The following POR variants were observed in gnomAD, a reference collection of about 807,000 sequenced individuals.
The protein encoded by POR is cytochrome p450 oxidoreductase.
POR carries 56 observed loss-of-function variants against 84.0 expected under a neutral mutation model. The ratio of observed to expected loss-of-function variants is 0.67; its 90% CI spans 0.54 to 0.83. The LOEUF (loss-of-function observed/expected upper bound fraction) is 0.83, where lower values mean the gene tolerates loss of function less well. Among genes scored for constraint, POR ranks in the 40% least tolerant of loss-of-function variants. The pLI is 0.00. For missense variants in POR, 938 were observed against 944.3 expected (o/e 0.99, Z 0.09); for synonymous variants, 414 against 400.5 (o/e 1.03, Z -0.40).
intron 10 of POR, 87 bp downstream of exon 10, chr7:75,983,943 A>G (rs996731724): frequency 9.3e-7 from 1 of 1,074,542 alleles, no homozygotes; most frequent in South Asian, 1.6e-5. Flanking sequence ...GCTTCTGCTT[A>G]GGCCTGAAGC....
intron 2 of POR, among the ~76,000 whole-genome samples, chr7:75,969,732 G>A (rs1341011951): frequency 3.9e-5 from 6 of 152,194 alleles, no homozygotes; most frequent in Non-Finnish European, 8.8e-5. Flanking sequence ...CAGCCTCTTA[G>A]TCCGCCCCTG....
In POR at chr7:75,986,311, CCCCAGCA is replaced by C; in HGVS notation, c.1899-22_1899-16del. On this transcript the variant is annotated intron_variant, in intron 15 of 15. Transcript: ENST00000461988. ...CCCTGCCTGCCACAGTTGGCCCAGCCCCCAGCACCCCCTCTTCCTGCCCAGGGATGCA... is the reference window on the plus strand; with the variant it reads ...CCCTGCCTGCCACAGTTGGCCCAGCCCCCCCTCTTCCTGCCCAGGGATGCA... 2 of 1,612,676 alleles carry C rather than the reference CCCCAGCA, an allele frequency of 1.2e-6. No individual in the cohort carries two copies. Among genetic ancestry groups the C allele is most frequent in the South Asian group, 1.1e-5 (1 of 91,090 alleles).
Position 75,979,471 on chromosome 7 carries a change from C to T in POR, c.258C>T (p.Phe86=). 2 of 1,613,378 alleles carry T rather than the reference C, an allele frequency of 1.2e-6. No individual in the cohort carries two copies. The highest frequency in any genetic ancestry group is 1.7e-6 in the Non-Finnish European group (2 of 1,179,780). The stretch of plus-strand genomic sequence containing the variant: ...CTTAGGGGAGGAACATCATCGTGTT[C>T]TACGGCTCCCAGACGGGGACTGCAG... Residue 86 remains phenylalanine (F), a synonymous_variant, in exon 4 of 16, where the codon TTC becomes TTT. Transcript: ENST00000461988.
At chr7:75,984,242 C>T (rs1428238413) in intron 10 of POR, among the ~76,000 whole-genome samples, 1 of 152,172 alleles carries the variant, frequency 6.6e-6, no homozygotes, top group African/African-American at 2.4e-5. Context: ...CAGCAGCCCT[C>T]CCAGGCCCCC....
At chr7:75,977,053 A>C (rs953193020) in intron 3 of POR, among the ~76,000 whole-genome samples, 15 of 152,078 alleles carry the variant, frequency 9.9e-5, no homozygotes, top group Non-Finnish European at 2.1e-4. Flanking sequence ...GGGTTTTGCC[A>C]TGTTGCCCAG....
Position 75,986,029 on chromosome 7 carries a change from C to T in POR, c.1776C>T (p.Thr592=). 6.4e-7 allele frequency: 1 copy of T among 1,561,850 alleles called. No homozygotes were observed. Among genetic ancestry groups the T allele is most frequent in the South Asian group, 1.2e-5 (1 of 84,982 alleles). The change falls in exon 14 of 16, where the codon ACC becomes ACT. Residue 592 remains threonine (T), a synonymous_variant. Transcript: ENST00000461988. Reference sequence around the variant, plus strand: ...AGTTCCACAGGGACGGTGCGCTCACCCAGCTCAACGTGGCCTTCTCCCGGG... The same window carrying T: ...AGTTCCACAGGGACGGTGCGCTCACTCAGCTCAACGTGGCCTTCTCCCGGG...
In POR at chr7:75,986,068, G is replaced by A; in HGVS notation, c.1815G>A (p.Lys605=). 1.3e-6 allele frequency: 2 copies of A among 1,562,530 alleles called. No individual in the cohort carries two copies. Among genetic ancestry groups the A allele is most frequent in the African/African-American group, 1.4e-5 (1 of 73,670 alleles). ...CCTTCTCCCGGGAGCAGTCCCACAA[G>A]GTGAGACGGGCGGGCACCCACGAAG... The change falls in exon 14 of 16, where the codon AAG becomes AAA. Residue 605 remains lysine (K), a splice_region_variant and synonymous_variant. Coordinates refer to ENST00000461988, the MANE Select transcript of POR (RefSeq NM_000941.3).
At chr7:75,930,578 A>G (rs1297790421) in intron 1 of POR, among the ~76,000 whole-genome samples, 1 of 152,220 alleles carries the variant, frequency 6.6e-6, no homozygotes, top group Non-Finnish European at 1.5e-5. Flanking sequence ...GCTGGAGTGC[A>G]GTGGCACGAT....
At chr7:75,978,947 C>T (rs1788839467) in intron 3 of POR, among the ~76,000 whole-genome samples, 3 of 152,126 alleles carry the variant, frequency 2.0e-5, no homozygotes, top group Admixed American at 1.3e-4. Context: ...CAGGTGCACG[C>T]CACCATGCCC....
At chr7:75,982,499 G>T (rs1410903887) in intron 8 of POR, among the ~76,000 whole-genome samples, 177 bp downstream of exon 8, 5 of 152,158 alleles carry the variant, frequency 3.3e-5, no homozygotes. Context: ...ACTGGCACTC[G>T]CCCAGTTTGT....
chr7:75,943,229 G>T (rs781985800), intron 1 of POR, among the ~76,000 whole-genome samples: 10 of 152,062 alleles, frequency 6.6e-5, no homozygotes, highest in Non-Finnish European at 1.0e-4. Flanking sequence ...GGGTTTACAG[G>T]CATGAGCCAC....
chr7:75,979,782 G>A (rs1351620797), intron 4 of POR: 14 of 669,686 alleles, frequency 2.1e-5, no homozygotes, highest in Admixed American at 9.4e-5. Context: ...TTGCAGCCAC[G>A]TGCCAGGCAT....
At chr7:75,930,490 T>A (rs1807359357) in intron 1 of POR, among the ~76,000 whole-genome samples, 1 of 151,440 alleles carries the variant, frequency 6.6e-6, no homozygotes, top group Non-Finnish European at 1.5e-5. Flanking sequence ...TAAAAATAAA[T>A]AAAATAAAAT....
intron 3 of POR, among the ~76,000 whole-genome samples, chr7:75,978,857 C>T (rs1456862373): frequency 3.9e-5 from 6 of 151,994 alleles, no homozygotes; most frequent in Admixed American, 1.3e-4. Context: ...AGTGCAGTGG[C>T]GTGTTCTCAG....
chr7:75,980,718 TA>T, intron 5 of POR: 3 of 1,514,704 alleles, frequency 2.0e-6, no homozygotes, highest in Non-Finnish European at 2.6e-6. Flanking sequence ...TGCTGGAGAC[TA>T]AAGGCAAGAA....
chr7:75,942,181 T>C (rs1251110587), intron 1 of POR, among the ~76,000 whole-genome samples: 2 of 152,194 alleles, frequency 1.3e-5, no homozygotes, highest in East Asian at 1.9e-4. Context: ...GAGCTGCGAT[T>C]GTGCCACTGC....
chr7:75,972,460 C>T lies in POR; in HGVS notation c.236C>T (p.Thr79Met), dbSNP rs781895332. ...AGCTTTGTGGAAAAGATGAAGAAAA[C>T]GGTGAGTTTCCTGCATGTCTTTACT... Residue 79 changes from threonine to methionine, a missense_variant and splice_region_variant, in exon 3 of 16, where the codon ACG (threonine) becomes ATG (methionine). Physicochemically the swap from Thr to Met is moderately conservative, Grantham distance 81. Coordinates refer to ENST00000461988, the MANE Select transcript of POR (RefSeq NM_000941.3). 6 of 1,604,278 alleles carry T rather than the reference C, an allele frequency of 3.7e-6. No individual in the cohort carries two copies. The highest frequency in any genetic ancestry group is 1.3e-5 in the African/African-American group (1 of 74,808).
chr7:75,932,538 T>C (rs1250995035), intron 1 of POR, among the ~76,000 whole-genome samples: 2 of 152,122 alleles, frequency 1.3e-5, no homozygotes, highest in African/African-American at 4.8e-5. Context: ...GTTGAAAATA[T>C]ATCAATCCTG....
In POR at chr7:75,946,005, C is replaced by T. The variant is rs368235269; in HGVS notation, c.-4-7984C>T. Reference sequence around the variant, plus strand: ...TGGTGAGGCTCCTGCCAGTGCCCCCCAGCCTGTGTGCTCCCTGATTTATTT... The same window carrying T: ...TGGTGAGGCTCCTGCCAGTGCCCCCTAGCCTGTGTGCTCCCTGATTTATTT... On this transcript the variant is annotated intron_variant, in intron 1 of 15. Transcript: ENST00000461988. 5.3e-5 allele frequency among the ~76,000 whole-genome samples: 8 copies of T among 152,292 alleles called. No homozygotes were observed. In the South Asian group the frequency reaches 1.0e-3, roughly 20 times the overall value.
Sources: gnomAD v4.1 joint callset for allele counts (sites outside exome capture counted in the v4.1 genomes callset) on GRCh38, gnomAD v4.1.1 for gene constraint, MANE v1.5 for transcripts, NCBI Gene and HGNC (gene_info 2026-07-23, HGNC 2026-07-21) for gene names.